The following PPP2R5C variants were observed in gnomAD, a reference collection of about 807,000 sequenced individuals.
The protein encoded by PPP2R5C is serine/threonine-protein phosphatase 2A 56 kDa regulatory subunit gamma isoform.
PPP2R5C carries 7 observed loss-of-function variants against 68.9 expected under a neutral mutation model. The ratio of observed to expected loss-of-function variants is 0.10; its 90% CI spans 0.06 to 0.19. The LOEUF is 0.19. Ranked by LOEUF, PPP2R5C falls within the 10% of genes least tolerant of loss-of-function variation. The pLI, the probability that PPP2R5C is intolerant of heterozygous loss-of-function variation, is 1.00. For synonymous variants in PPP2R5C, 210 were observed against 222.2 expected, an observed-to-expected ratio of 0.95 and a Z score of 0.49; for missense variants, 348 against 641.3, an observed-to-expected ratio of 0.54 and a Z score of 4.94.
rs888160761 is a variant in PPP2R5C at position 101,888,636 on chromosome 14, G to A, written c.630-1601G>A. 1.4e-4 allele frequency among the ~76,000 whole-genome samples: 21 copies of A among 152,146 alleles called. No individual in the cohort carries two copies. Among genetic ancestry groups the A allele is most frequent in the South Asian group, 8.3e-4 (4 of 4,834 alleles). ...TTTGAAACAGGGTCTCTGTTGCCCA[G>A]GCTGGAATGCAGTGGCGCCATCTCA... On this transcript the variant is annotated intron_variant, in intron 5 of 13. Transcript: ENST00000334743. This position sits in a 1 kb window ranked among gnomAD's most constrained non-coding sequence, Gnocchi z 5.6.
chr14:101,875,279 G>A (rs1388616524), intron 2 of PPP2R5C, among the ~76,000 whole-genome samples: 2 of 152,044 alleles, frequency 1.3e-5, no homozygotes, highest in Admixed American at 1.3e-4. Context: ...CTTCACTGCC[G>A]AGCACTCATT....
intron 2 of PPP2R5C, among the ~76,000 whole-genome samples, chr14:101,764,386 G>A (rs1020899887): frequency 2.6e-5 from 4 of 152,180 alleles, no homozygotes; most frequent in Admixed American, 6.5e-5. Flanking sequence ...CACAAATGAC[G>A]TTTATTTGCC....
chr14:101,922,093 T>G, intron 13 of PPP2R5C: 1 of 985,278 alleles, frequency 1.0e-6, no homozygotes, highest in Non-Finnish European at 1.2e-6. Context: ...ATTGAAGGCC[T>G]GTTCTCCAGG....
At chr14:101,847,682 T>C (rs76626806) in intron 1 of PPP2R5C, among the ~76,000 whole-genome samples, 1 of 149,980 alleles carries the variant, frequency 6.7e-6, no homozygotes, top group East Asian at 1.9e-4. Flanking sequence ...TTTTTTTTTT[T>C]CCTGAGACGG....
chr14:101,873,685 C>A (rs1416969993), intron 2 of PPP2R5C, among the ~76,000 whole-genome samples: 1 of 152,214 alleles, frequency 6.6e-6, no homozygotes, highest in Non-Finnish European at 1.5e-5. Context: ...GTTGAGTGAC[C>A]TCTACAAATA....
At chr14:101,793,737 G>A (rs1174857651) in intron 3 of PPP2R5C, among the ~76,000 whole-genome samples, 1 of 152,228 alleles carries the variant, frequency 6.6e-6, no homozygotes, top group Admixed American at 6.5e-5. Context: ...CCAAGTTGTT[G>A]TCCAGCATCC....
At position 101,879,930 on chromosome 14, in the gene PPP2R5C, C is replaced by T. The variant is rs1028726953; in HGVS notation, c.295-2231C>T. On this transcript the variant is annotated intron_variant, in intron 2 of 13. Coordinates refer to ENST00000334743, the Ensembl canonical transcript of PPP2R5C. This position sits in a 1 kb window ranked among gnomAD's most constrained non-coding sequence, Gnocchi z 4.2. ...CTGCCCAAAGTGTGTGTGTGTGTGGCCTTTCCTTAATAGTTGAGCTTTTAG... is the reference window on the plus strand; with the variant it reads ...CTGCCCAAAGTGTGTGTGTGTGTGGTCTTTCCTTAATAGTTGAGCTTTTAG... 5.3e-5 allele frequency among the ~76,000 whole-genome samples: 8 copies of T among 152,190 alleles called. No individual in the cohort carries two copies. The highest frequency in any genetic ancestry group is 1.4e-4 in the African/African-American group (6 of 41,438).
chr14:101,868,947 T>C (rs2043239852), intron 2 of PPP2R5C, among the ~76,000 whole-genome samples: 1 of 152,196 alleles, frequency 6.6e-6, no homozygotes, highest in Admixed American at 6.5e-5. Flanking sequence ...AGACGGAGTC[T>C]CTGTTGCCTG....
In PPP2R5C at chr14:101,847,217, G is replaced by GA. The variant is rs5811050; in HGVS notation, c.95-9465dup. 8.3e-3 allele frequency among the ~76,000 whole-genome samples: 1,261 copies of GA among 152,268 alleles called. 27 individuals are homozygous for GA. Among genetic ancestry groups the GA allele is most frequent in the African/African-American group, 0.028 (1,183 of 41,546 alleles). On this transcript the variant is annotated intron_variant, in intron 1 of 13. Transcript: ENST00000334743. ...GTAAAAAGACAAAGTTCTCCTCTGAGAAAATTTATAATTAAGCATCCAGTA... is the reference window on the plus strand; with the variant it reads ...GTAAAAAGACAAAGTTCTCCTCTGAGAAAAATTTATAATTAAGCATCCAGTA...
At chr14:101,890,251 C>G in exon 6 of PPP2R5C, 1 of 1,613,522 alleles carries the variant, frequency 6.2e-7, no homozygotes, top group South Asian at 1.1e-5. Flanking sequence ...ATTTATGAAA[C>G]AGAGCATCAT....
At chr14:101,912,590 A>T in intron 12 of PPP2R5C, 117 bp downstream of exon 14, 3 of 1,360,638 alleles carry the variant, frequency 2.2e-6, no homozygotes, top group Non-Finnish European at 2.9e-6. Context: ...TGTATATGAA[A>T]ATGTCTGCAA....
chr14:101,903,674 A>AT lies in PPP2R5C; in HGVS notation c.1023+1799dup, dbSNP rs112348921. Among the ~76,000 whole-genome samples the AT allele has an allele frequency of 6.8e-4, 99 of 144,716 alleles. 1 individual carries two copies. Among genetic ancestry groups the AT allele is most frequent in the East Asian group, 1.8e-3 (9 of 5,016 alleles). The allele number at this position is 144,716 out of a possible 152,430, so 94.9% of individuals were successfully genotyped here. On this transcript the variant is annotated intron_variant, in intron 9 of 13. Transcript: ENST00000334743. ...TATGCATAAGGCCAACTCATTCTTA[A>AT]TTTTTTTTTTTTTTCCTTTGAGATG...
chr14:101,761,820 C>T (rs1320673317), upstream of PPP2R5C: 7 of 854,416 alleles, frequency 8.2e-6, no homozygotes, highest in Middle Eastern at 6.0e-4. Flanking sequence ...GCGCGACGGC[C>T]GGGGCGGGGG....
At position 101,797,637 on chromosome 14, in the gene PPP2R5C, G is replaced by A. The variant is rs547778390; in HGVS notation, c.259+11454G>A. On this transcript the variant is annotated intron_variant, in intron 3 of 14. Transcript: ENST00000328724. The surrounding 1 kb of genome is among the most constrained non-coding windows in gnomAD (Gnocchi z 4.2). ...GCTCCTGACTCACTTGACCTACTGC[G>A]TAGGCTCCTAAAAGGGTGTCGGCAA... 10 of 198,706 alleles carry A rather than the reference G, an allele frequency of 5.0e-5. No homozygotes were observed. The highest frequency in any genetic ancestry group is 9.5e-5 in the Non-Finnish European group (9 of 95,214). 12.3% of individuals were successfully genotyped at this position (198,706 alleles called of 1,614,324 possible).
intron 3 of PPP2R5C, chr14:101,803,324 A>G (rs1350294876): frequency 6.6e-6 from 1 of 152,382 alleles, no homozygotes; most frequent in African/African-American, 2.4e-5. Context: ...AAGCAGTTGC[A>G]TATTTTTAAT....
In PPP2R5C at chr14:101,883,424, T is replaced by C. The variant is rs914623254; in HGVS notation, c.499-8T>C. On this transcript the variant is annotated splice_region_variant and splice_polypyrimidine_tract_variant and intron_variant, in intron 4 of 13. Coordinates refer to ENST00000334743, the Ensembl canonical transcript of PPP2R5C. ...ACCCAGCCACTAAGTGTCTTTTTCT[T>C]CTCAAAGCTTTTAGAGCTCTTTGAC... 1.8e-5 allele frequency: 29 copies of C among 1,612,738 alleles called. No individual in the cohort carries two copies. Among genetic ancestry groups the C allele is most frequent in the Non-Finnish European group, 2.4e-5 (28 of 1,179,784 alleles).
chr14:101,871,919 C>T (rs984753042), intron 2 of PPP2R5C, among the ~76,000 whole-genome samples: 3 of 152,056 alleles, frequency 2.0e-5, no homozygotes, highest in South Asian at 2.1e-4. Flanking sequence ...CCAGCCTTTC[C>T]GCTATTATCA....
chr14:101,842,188 C>T (rs1223583898), intron 1 of PPP2R5C, among the ~76,000 whole-genome samples: 1 of 152,180 alleles, frequency 6.6e-6, no homozygotes, highest in Non-Finnish European at 1.5e-5. Flanking sequence ...GACGTATCTT[C>T]TCCAGTGGAA....
At chr14:101,844,149 T>TG (rs1555390606) in intron 1 of PPP2R5C, 2 of 148,982 alleles carry the variant, frequency 1.3e-5, no homozygotes, top group Non-Finnish European at 3.0e-5. Flanking sequence ...TTTGTTTTTT[T>TG]TTTTTTTTTG....
Sources: allele counts gnomAD v4.1 joint callset (sites outside exome capture counted in the v4.1 genomes callset), GRCh38; gene constraint gnomAD v4.1.1; non-coding constraint Gnocchi (gnomAD v3.1); transcripts MANE v1.5; gene names NCBI Gene and HGNC (gene_info 2026-07-23, HGNC 2026-07-21).